The following MDGA2 variants were observed in gnomAD, a reference collection of about 807,000 sequenced individuals.
MDGA2 encodes the protein MAM domain containing glycosylphosphatidylinositol anchor 2, also known as MAM domain-containing glycosylphosphatidylinositol anchor protein 2.
Under a neutral mutation model 117.8 loss-of-function variants are expected in MDGA2, and 40 were observed. The observed-to-expected ratio is 0.34, with a 90% confidence interval of 0.26 to 0.44. The LOEUF is 0.44. Ranked by LOEUF, MDGA2 falls within the 20% of genes least tolerant of loss-of-function variation. The pLI is 1.00. For missense variants in MDGA2, 1,123 were observed against 1,250.6 expected (o/e 0.90, Z 1.54); for synonymous variants, 452 against 439.0 (o/e 1.03, Z -0.37).
chr14:46,978,170 A>T (rs1886538800), intron 8 of MDGA2, among the ~76,000 whole-genome samples: 1 of 151,970 alleles, frequency 6.6e-6, no homozygotes, highest in South Asian at 2.1e-4. Flanking sequence ...TAATTCCAGT[A>T]GCTGTAAAAT....
intron 2 of MDGA2, among the ~76,000 whole-genome samples, chr14:47,226,595 C>T (rs1286447522): frequency 6.6e-6 from 1 of 152,070 alleles, no homozygotes; most frequent in Non-Finnish European, 1.5e-5. Context: ...ATAGGGCCTG[C>T]TGGCACTATT....
intron 5 of MDGA2, among the ~76,000 whole-genome samples, chr14:47,105,376 C>T (rs1234815681): frequency 1.3e-5 from 2 of 151,932 alleles, no homozygotes; most frequent in Non-Finnish European, 2.9e-5. Context: ...AAGAACCCCC[C>T]ACCCCTTCTC....
At position 46,841,254 on chromosome 14, in the gene MDGA2, T is replaced by G. The variant is rs1381467294; in HGVS notation, c.*677A>C. On this transcript the variant is annotated 3_prime_UTR_variant, in exon 17 of 17. Transcript: ENST00000399232. The stretch of plus-strand genomic sequence containing the variant: ...GTAAGCCCAGGTTTACCATCCTGGA[T>G]AGTAGTGCATGCAAAAAGAGACAGC... 1 of 152,422 alleles carries G rather than the reference T, an allele frequency of 6.6e-6. No individual in the cohort carries two copies. Among genetic ancestry groups the G allele is most frequent in the East Asian group, 1.9e-4 (1 of 5,170 alleles). The allele number at this position is 152,422 out of a possible 1,614,324, so 9.4% of individuals were successfully genotyped here.
At chr14:47,546,310 C>T (rs1156696876) in intron 1 of MDGA2, among the ~76,000 whole-genome samples, 3 of 151,582 alleles carry the variant, frequency 2.0e-5, no homozygotes, top group East Asian at 1.9e-4. Context: ...AGGTATGCTG[C>T]GAAGAAAGGA....
At chr14:47,401,090 T>G (rs1231752260) in intron 1 of MDGA2, among the ~76,000 whole-genome samples, 2 of 151,710 alleles carry the variant, frequency 1.3e-5, no homozygotes, top group Non-Finnish European at 2.9e-5. Flanking sequence ...CCCAGTACTG[T>G]TCTGGGTGCT....
chr14:47,603,524 A>C (rs1309846070), intron 1 of MDGA2, among the ~76,000 whole-genome samples: 1 of 152,198 alleles, frequency 6.6e-6, no homozygotes, highest in African/African-American at 2.4e-5. Context: ...ATTCTGCATA[A>C]TGCTGATTAG....
intron 1 of MDGA2, among the ~76,000 whole-genome samples, chr14:47,410,487 A>C (rs184505760): frequency 2.1e-4 from 32 of 152,124 alleles, no homozygotes; most frequent in African/African-American, 7.2e-4. Context: ...CACTCTTCTT[A>C]AAGTTTGTCT....
chr14:47,288,601 A>G (rs1386381390), intron 2 of MDGA2, among the ~76,000 whole-genome samples: 1 of 152,164 alleles, frequency 6.6e-6, no homozygotes, highest in Non-Finnish European at 1.5e-5. Flanking sequence ...GTTGTAGAAG[A>G]TAATGTTTTC....
chr14:47,131,849 GA>G lies in MDGA2; in HGVS notation c.793-4del. ...AGTTTTAAGATCTTTGTTTCACCCT[GA>G]AAATGTACACAAAAAATAAAAGTCA... On this transcript the variant is annotated splice_polypyrimidine_tract_variant and splice_region_variant and intron_variant, in intron 4 of 16. Transcript: ENST00000399232. The G allele has an allele frequency of 6.4e-7, 1 of 1,556,650 alleles. No individual in the cohort carries two copies. The highest frequency in any genetic ancestry group is 1.7e-5 in the Admixed American group (1 of 57,310).
intron 3 of MDGA2, among the ~76,000 whole-genome samples, chr14:47,199,445 G>A (rs764838763): frequency 6.6e-6 from 1 of 151,882 alleles, no homozygotes; most frequent in Non-Finnish European, 1.5e-5. Context: ...CTAATTTTTT[G>A]GTTTCACTAA....
intron 1 of MDGA2, among the ~76,000 whole-genome samples, chr14:47,552,294 C>T (rs1430570139): frequency 1.3e-5 from 2 of 152,158 alleles, no homozygotes; most frequent in Non-Finnish European, 2.9e-5. Context: ...CTTCTGAATT[C>T]CAGACCTGAC....
At chr14:47,531,396 T>C (rs1895098214) in intron 1 of MDGA2, among the ~76,000 whole-genome samples, 1 of 152,190 alleles carries the variant, frequency 6.6e-6, no homozygotes, top group South Asian at 2.1e-4. Context: ...ATAAAATGTG[T>C]ATGTGTTTTA....
In MDGA2 at chr14:47,094,763, A is replaced by G. The variant is rs573270920; in HGVS notation, c.1195+2091T>C. The stretch of plus-strand genomic sequence containing the variant: ...ACAGCAAGATTTGGTAGATTATTTT[A>G]TGCCTACTTAGAAAAGCAAGTATTT... On this transcript the variant is annotated intron_variant, in intron 6 of 16. Transcript: ENST00000399232. 2.0e-5 allele frequency among the ~76,000 whole-genome samples: 3 copies of G among 150,384 alleles called. No individual in the cohort carries two copies. In the South Asian group the frequency reaches 6.4e-4, roughly 32 times the overall value.
chr14:46,908,507 A>C (rs1316086310), intron 10 of MDGA2, among the ~76,000 whole-genome samples: 2 of 152,154 alleles, frequency 1.3e-5, no homozygotes, highest in Non-Finnish European at 2.9e-5. Flanking sequence ...AGCAGGACTA[A>C]TTGCCTCCAC....
At chr14:47,375,009 A>G (rs1891445182) in intron 1 of MDGA2, among the ~76,000 whole-genome samples, 1 of 152,006 alleles carries the variant, frequency 6.6e-6, no homozygotes, top group Non-Finnish European at 1.5e-5. Context: ...AGTCAAATAT[A>G]GGGCTTATCT....
chr14:47,624,533 C>T (rs1897106854), intron 1 of MDGA2, among the ~76,000 whole-genome samples: 1 of 152,166 alleles, frequency 6.6e-6, no homozygotes, highest in South Asian at 2.1e-4. Flanking sequence ...AACAACTATA[C>T]ATTTTATCAA....
intron 14 of MDGA2, among the ~76,000 whole-genome samples, chr14:46,867,755 TAGTA>T (rs1484343425): frequency 1.3e-5 from 2 of 152,052 alleles, no homozygotes. Flanking sequence ...ATGAATATCT[TAGTA>T]AGTAAAGATA....
intron 1 of MDGA2, among the ~76,000 whole-genome samples, chr14:47,301,810 C>G (rs552916002): frequency 6.6e-6 from 1 of 152,056 alleles, no homozygotes; most frequent in Non-Finnish European, 1.5e-5. Flanking sequence ...AATACAAGAC[C>G]ACAAGATAAA....
chr14:47,609,465 A>ATACATATATATATATATATAT (rs1555336021), intron 1 of MDGA2, among the ~76,000 whole-genome samples: 3 of 107,386 alleles, frequency 2.8e-5, no homozygotes, highest in Admixed American at 9.4e-5. Flanking sequence ...ATATATATAT[A>ATACATATATATATATATATAT]AGTTTCTTTA....
Sources: gnomAD v4.1 joint callset for allele counts (sites outside exome capture counted in the v4.1 genomes callset) on GRCh38, gnomAD v4.1.1 for gene constraint, MANE v1.5 for transcripts, NCBI Gene and HGNC (gene_info 2026-07-23, HGNC 2026-07-21) for gene names.